Variants in CLSTN2 observed in about 807,000 individuals in gnomAD.
CLSTN2 encodes calsyntenin 2.
Under a neutral mutation model 101.2 loss-of-function variants are expected in CLSTN2, and 48 were observed. The ratio of observed to expected loss-of-function variants is 0.47; its 90% CI spans 0.38 to 0.60. The LOEUF (loss-of-function observed/expected upper bound fraction) is 0.60. Ranked by LOEUF, CLSTN2 falls within the 20% of genes least tolerant of loss-of-function variation. The pLI is 0.00. For missense variants in CLSTN2, 1,160 were observed against 1,238.2 expected, an observed-to-expected ratio of 0.94 and a Z score of 0.95; for synonymous variants, 481 against 463.6, an observed-to-expected ratio of 1.04 and a Z score of -0.48.
intron 2 of CLSTN2, among the ~76,000 whole-genome samples, chr3:140,244,569 C>G (rs1414859324): frequency 1.3e-5 from 2 of 152,148 alleles, no homozygotes; most frequent in Non-Finnish European, 2.9e-5. Flanking sequence ...CTTTGTAACC[C>G]TGGCCCTTAA....
At chr3:140,337,890 C>A (rs1404315713) in intron 2 of CLSTN2, among the ~76,000 whole-genome samples, 2 of 152,070 alleles carry the variant, frequency 1.3e-5, no homozygotes, top group African/African-American at 4.8e-5. Context: ...CTGATTTAAC[C>A]CTTATAACTT....
chr3:139,963,653 A>G (rs6439886), intron 1 of CLSTN2, among the ~76,000 whole-genome samples: 21,090 of 152,192 alleles, frequency 0.14, 1,604 homozygotes, highest in African/African-American at 0.18. Flanking sequence ...CAGTAATCCT[A>G]AAGACAGATG....
At chr3:140,358,065 A>T (rs765035867) in intron 2 of CLSTN2, among the ~76,000 whole-genome samples, 1 of 152,082 alleles carries the variant, frequency 6.6e-6, no homozygotes. Flanking sequence ...ATCAGAGCTG[A>T]TGGCTGGTGA....
intron 2 of CLSTN2, among the ~76,000 whole-genome samples, chr3:140,266,048 G>A (rs1399490457): frequency 6.6e-6 from 1 of 152,158 alleles, no homozygotes; most frequent in African/African-American, 2.4e-5. Flanking sequence ...AAACCTTCCA[G>A]TACTGCACCT....
At chr3:140,270,348 A>G (rs900242462) in intron 2 of CLSTN2, among the ~76,000 whole-genome samples, 1 of 152,152 alleles carries the variant, frequency 6.6e-6, no homozygotes, top group East Asian at 1.9e-4. Context: ...ACACTCTGCC[A>G]TGTGTTCATT....
chr3:140,499,601 A>G (rs760330962), intron 8 of CLSTN2, among the ~76,000 whole-genome samples: 1 of 152,166 alleles, frequency 6.6e-6, no homozygotes, highest in Non-Finnish European at 1.5e-5. Flanking sequence ...CTCTTTATGC[A>G]GGACAGCTCT....
intron 1 of CLSTN2, among the ~76,000 whole-genome samples, chr3:140,085,093 C>A (rs751646332): frequency 1.2e-4 from 19 of 152,210 alleles, no homozygotes; most frequent in Non-Finnish European, 8.8e-5. Context: ...TCGATTCTTG[C>A]AGCCTCTCTC....
At chr3:140,208,872 G>A (rs1429882590) in intron 2 of CLSTN2, among the ~76,000 whole-genome samples, 1 of 152,138 alleles carries the variant, frequency 6.6e-6, no homozygotes, top group African/African-American at 2.4e-5. Context: ...ACATGCTGCT[G>A]TAACCATGCC....
chr3:140,234,073 G>A (rs2086394496), intron 2 of CLSTN2, among the ~76,000 whole-genome samples: 1 of 152,162 alleles, frequency 6.6e-6, no homozygotes. Flanking sequence ...CTAGAGCTTT[G>A]TTCATGAGCA....
intron 1 of CLSTN2, among the ~76,000 whole-genome samples, chr3:140,020,731 A>G (rs2007297246): frequency 6.6e-6 from 1 of 152,234 alleles, no homozygotes; most frequent in African/African-American, 2.4e-5. Flanking sequence ...CACCAGGGTT[A>G]TAAATGCATC....
intron 4 of CLSTN2, among the ~76,000 whole-genome samples, chr3:140,417,222 G>C (rs2088442098): frequency 6.6e-6 from 1 of 151,786 alleles, no homozygotes; most frequent in African/African-American, 2.4e-5. Context: ...ATCTTTAAAC[G>C]TTCTTTATAA....
chr3:140,490,865 C>T (rs1262483763), intron 8 of CLSTN2, among the ~76,000 whole-genome samples: 1 of 152,112 alleles, frequency 6.6e-6, no homozygotes, highest in Admixed American at 6.5e-5. Flanking sequence ...ATGTGAATGG[C>T]TGATAAGAGC....
At chr3:140,356,555 C>T (rs1400438580) in intron 2 of CLSTN2, among the ~76,000 whole-genome samples, 3 of 151,936 alleles carry the variant, frequency 2.0e-5, no homozygotes, top group African/African-American at 7.3e-5. Context: ...GTCAGGAGTT[C>T]GAGAACAGCC....
chr3:140,049,857 T>C (rs559149138), intron 1 of CLSTN2, among the ~76,000 whole-genome samples: 6 of 152,332 alleles, frequency 3.9e-5, no homozygotes, highest in African/African-American at 1.4e-4. Flanking sequence ...TGGAAGCTTG[T>C]TTTATCCTGT....
chr3:140,104,871 T>C (rs917535712), intron 1 of CLSTN2, among the ~76,000 whole-genome samples: 4 of 152,164 alleles, frequency 2.6e-5, no homozygotes, highest in Non-Finnish European at 5.9e-5. Flanking sequence ...CCAGCTATCC[T>C]GGAGGCTGAG....
intron 2 of CLSTN2, among the ~76,000 whole-genome samples, chr3:140,403,289 G>A (rs943771117): frequency 6.6e-6 from 1 of 152,144 alleles, no homozygotes; most frequent in African/African-American, 2.4e-5. Flanking sequence ...TGGAGAAGTG[G>A]GGGAGGTAGA....
At chr3:140,134,899 T>C (rs918103222) in intron 1 of CLSTN2, among the ~76,000 whole-genome samples, 9 of 151,920 alleles carry the variant, frequency 5.9e-5, no homozygotes, top group Non-Finnish European at 1.2e-4. Flanking sequence ...AAGAATTACC[T>C]AAGCTGGCTT....
chr3:140,565,123 T>C (rs1239670653), intron 16 of CLSTN2, among the ~76,000 whole-genome samples: 3 of 152,194 alleles, frequency 2.0e-5, no homozygotes, highest in African/African-American at 7.2e-5. Context: ...AAGACCACTA[T>C]ACCTGGAGCA....
At position 140,414,498 on chromosome 3, in the gene CLSTN2, T is replaced by C. The variant is rs546540003; in HGVS notation, c.638-6627T>C. Among the ~76,000 whole-genome samples the C allele has an allele frequency of 2.0e-5, 3 of 152,126 alleles. No individual in the cohort carries two copies. In the South Asian group the frequency reaches 6.2e-4, roughly 32 times the overall value. ...GCCAAATACTGCACATTTTCACTTA[T>C]AAATGGGAGCTAAGCTATGGGTATG... On this transcript the variant is annotated intron_variant, in intron 4 of 16. Transcript: ENST00000458420.
Sources: allele counts gnomAD v4.1 joint callset (sites outside exome capture counted in the v4.1 genomes callset), GRCh38; gene constraint gnomAD v4.1.1; transcripts MANE v1.5; gene names NCBI Gene and HGNC (gene_info 2026-07-23, HGNC 2026-07-21).